Variants in COX7B2 observed in about 807,000 individuals in gnomAD.
COX7B2 encodes cytochrome c oxidase subunit 7B2, also known as cytochrome c oxidase subunit 7B2, mitochondrial.
For missense variants in COX7B2, 109 were observed against 95.9 expected (o/e 1.14, Z -0.57); for synonymous variants, 37 against 32.1 (o/e 1.15, Z -0.51).
intron 1 of COX7B2, among the ~76,000 whole-genome samples, chr4:46,858,113 T>C (rs1425792062): frequency 6.6e-6 from 1 of 152,126 alleles, no homozygotes; most frequent in Non-Finnish European, 1.5e-5. Flanking sequence ...AGCATCACAT[T>C]CAGATGGAAT....
At chr4:46,790,672 C>G (rs146413643) in intron 2 of COX7B2, among the ~76,000 whole-genome samples, 25 of 152,250 alleles carry the variant, frequency 1.6e-4, no homozygotes, top group African/African-American at 6.0e-4. Context: ...CCCATATCCA[C>G]CTGGACTTTA....
At chr4:46,805,040 T>C (rs964028012) in intron 2 of COX7B2, among the ~76,000 whole-genome samples, 13 of 152,124 alleles carry the variant, frequency 8.5e-5, no homozygotes, top group African/African-American at 3.1e-4. Flanking sequence ...GCCCAGGTGC[T>C]AACCTCTCAC....
rs113770027 is a variant in COX7B2, at chr4:46,850,574, C to G, written c.-104-5560G>C. ...CACTTCCTAAAAGTGTAAGACTTCA[C>G]TTCATTTTAATATAAAGTGCCACAT... On this transcript the variant is annotated intron_variant, in intron 1 of 2. Coordinates refer to ENST00000355591, the MANE Select transcript of COX7B2 (RefSeq NM_130902.3). Among the ~76,000 whole-genome samples, 830 of 152,154 alleles carry G rather than the reference C, an allele frequency of 5.5e-3. 7 individuals carry two copies. Among genetic ancestry groups the G allele is most frequent in the African/African-American group, 0.019 (772 of 41,526 alleles).
At chr4:46,850,214 T>A (rs1577654957) in intron 1 of COX7B2, among the ~76,000 whole-genome samples, 2 of 148,846 alleles carry the variant, frequency 1.3e-5, no homozygotes, top group East Asian at 3.9e-4. Flanking sequence ...TTTAAATGAT[T>A]TAATTTTAAA....
rs997265747 is a variant in COX7B2 at position 46,845,027 on chromosome 4, A to T, written c.-104-13T>A. 6.6e-6 allele frequency: 1 copy of T among 152,056 alleles called. No individual in the cohort carries two copies. Among genetic ancestry groups the T allele is most frequent in the African/African-American group, 2.4e-5 (1 of 41,434 alleles). 9.4% of individuals were successfully genotyped at this position (152,056 alleles called of 1,614,324 possible). On this transcript the variant is annotated splice_polypyrimidine_tract_variant and intron_variant, in intron 1 of 2. Coordinates refer to ENST00000355591, the MANE Select transcript of COX7B2 (RefSeq NM_130902.3). ...CAGATTCTGCTTCCTAAAAAAATGC[A>T]ATTAGAAAATTAGTGTCAGATTTCA... is the stretch of plus-strand genomic sequence containing the variant.
chr4:46,858,651 T>C (rs1717155387), intron 1 of COX7B2, among the ~76,000 whole-genome samples: 1 of 152,124 alleles, frequency 6.6e-6, no homozygotes, highest in African/African-American at 2.4e-5. Flanking sequence ...AGTAGGAGAC[T>C]TTTGGAAACA....
At chr4:46,746,533 T>C (rs1715035580) in intron 2 of COX7B2, among the ~76,000 whole-genome samples, 1 of 145,464 alleles carries the variant, frequency 6.9e-6, no homozygotes, top group Non-Finnish European at 1.5e-5. Context: ...CCAGTATACA[T>C]TGAAAGTACA....
intron 2 of COX7B2, among the ~76,000 whole-genome samples, chr4:46,810,290 G>C (rs1001099816): frequency 1.3e-5 from 2 of 151,850 alleles, no homozygotes; most frequent in Non-Finnish European, 2.9e-5. Context: ...TGATACATAG[G>C]GACTTGCTAC....
chr4:46,875,859 T>C (rs1352402128), intron 1 of COX7B2, among the ~76,000 whole-genome samples: 2 of 152,004 alleles, frequency 1.3e-5, no homozygotes, highest in Admixed American at 1.3e-4. Context: ...ATAAATTCTA[T>C]TAATTCTGAA....
At chr4:46,847,953 G>A (rs1716405354) in intron 1 of COX7B2, among the ~76,000 whole-genome samples, 1 of 152,028 alleles carries the variant, frequency 6.6e-6, no homozygotes, top group Admixed American at 6.6e-5. Flanking sequence ...CAGCGATGTT[G>A]CATGGAAATT....
chr4:46,895,439 G>A (rs1241960790), intron 1 of COX7B2, among the ~76,000 whole-genome samples: 3 of 152,110 alleles, frequency 2.0e-5, no homozygotes, highest in African/African-American at 7.2e-5. Context: ...GCTAAATGAT[G>A]AGAACTCATG....
intron 1 of COX7B2, among the ~76,000 whole-genome samples, chr4:46,906,745 C>G (rs989322850): frequency 3.3e-5 from 5 of 152,188 alleles, no homozygotes; most frequent in African/African-American, 1.2e-4. Flanking sequence ...CACATATTTT[C>G]CCCTCTTCCT....
At position 46,886,518 on chromosome 4, in the gene COX7B2, C is replaced by A. The variant is rs576937931; in HGVS notation, c.-105+22642G>T. On this transcript the variant is annotated intron_variant, in intron 1 of 2. Transcript: ENST00000355591. ...TCCTTCTATCCAGCGTATTTTCATA[C>A]TCATTAAACAACTCTTATTCTCACA... 7.2e-4 allele frequency among the ~76,000 whole-genome samples: 110 copies of A among 152,214 alleles called. 1 individual carries two copies. The South Asian group carries it at 0.022, about 30-fold the overall frequency.
At chr4:46,826,258 CAT>C (rs779642433) in intron 2 of COX7B2, among the ~76,000 whole-genome samples, 164 of 152,156 alleles carry the variant, frequency 1.1e-3, no homozygotes, top group African/African-American at 3.7e-3. Context: ...AGTCAAAAAA[CAT>C]ATGAAAAAAT....
chr4:46,785,601 T>G (rs1248117662), intron 2 of COX7B2, among the ~76,000 whole-genome samples: 1 of 152,226 alleles, frequency 6.6e-6, no homozygotes, highest in Admixed American at 6.5e-5. Context: ...AAGATTAGAT[T>G]TCTTCATATC....
intron 2 of COX7B2, among the ~76,000 whole-genome samples, chr4:46,812,081 T>C (rs970577623): frequency 2.0e-5 from 3 of 152,126 alleles, no homozygotes; most frequent in Admixed American, 2.0e-4. Context: ...TGAAATATAG[T>C]GCAGCACTAT....
At chr4:46,754,405 C>A (rs1182614405) in intron 2 of COX7B2, among the ~76,000 whole-genome samples, 1 of 150,918 alleles carries the variant, frequency 6.6e-6, no homozygotes, top group Admixed American at 6.6e-5. Flanking sequence ...GAGTTCATGT[C>A]CTTTGTAGGG....
intron 2 of COX7B2, among the ~76,000 whole-genome samples, chr4:46,819,206 A>C (rs1714091107): frequency 6.6e-6 from 1 of 152,142 alleles, no homozygotes; most frequent in African/African-American, 2.4e-5. Context: ...AATGAGGGTA[A>C]ATTTGATCTG....
At chr4:46,749,268 TTTAAA>T (rs1311182069) in intron 2 of COX7B2, among the ~76,000 whole-genome samples, 3 of 152,124 alleles carry the variant, frequency 2.0e-5, no homozygotes, top group Non-Finnish European at 2.9e-5. Flanking sequence ...AATTTTGACA[TTTAAA>T]TTAAATTTTA....
Sources: gnomAD v4.1 joint callset for allele counts (sites outside exome capture counted in the v4.1 genomes callset) on GRCh38, gnomAD v4.1.1 for gene constraint, MANE v1.5 for transcripts, NCBI Gene and HGNC (gene_info 2026-07-23, HGNC 2026-07-21) for gene names.